SEL1L: variants seen among roughly 807,000 people sequenced by gnomAD.
The protein encoded by SEL1L is SEL1L adaptor subunit of SYVN1 ubiquitin ligase.
SEL1L carries 52 observed loss-of-function variants against 109.8 expected under a neutral mutation model. That is an observed-to-expected ratio of 0.47 (90% CI 0.38 to 0.60). The LOEUF is 0.60. Ranked by LOEUF, SEL1L falls within the 20% of genes least tolerant of loss-of-function variation. The pLI is 0.00. For missense variants in SEL1L, 749 were observed against 962.2 expected (o/e 0.78, Z 2.93); for synonymous variants, 373 against 339.6 (o/e 1.10, Z -1.08).
intron 10 of SEL1L, 45 bp downstream of exon 10, chr14:81,497,847 T>C: frequency 6.4e-7 from 1 of 1,566,662 alleles, no homozygotes; most frequent in Non-Finnish European, 8.7e-7. Flanking sequence ...CAGATTAAAA[T>C]ATACAATGCA....
intron 10 of SEL1L, among the ~76,000 whole-genome samples, chr14:81,496,948 G>A (rs1323431621): frequency 6.6e-6 from 1 of 152,036 alleles, no homozygotes; most frequent in Non-Finnish European, 1.5e-5. Flanking sequence ...TGTTGTGATC[G>A]CTAGATAACC....
At chr14:81,507,168 T>C (rs1193647979) in intron 3 of SEL1L, among the ~76,000 whole-genome samples, 6 of 152,174 alleles carry the variant, frequency 3.9e-5, no homozygotes, top group Non-Finnish European at 8.8e-5. Context: ...ACCTTACATG[T>C]CTTAAGGAGT....
intron 4 of SEL1L, among the ~76,000 whole-genome samples, 180 bp from the exon 5 acceptor site, chr14:81,504,486 A>T (rs1951604): frequency 0.19 from 29,282 of 151,308 alleles, 3,012 homozygotes; most frequent in Admixed American, 0.28. Context: ...ACTTAAAAAA[A>T]ATATATATAT....
At chr14:81,517,655 G>T (rs2140046144) in intron 3 of SEL1L, among the ~76,000 whole-genome samples, 1 of 152,170 alleles carries the variant, frequency 6.6e-6, no homozygotes, top group East Asian at 1.9e-4. Context: ...AGAAAAAGAA[G>T]AATATTTTTA....
chr14:81,505,985 G>T, intron 4 of SEL1L, 89 bp downstream of exon 4: 1 of 1,311,298 alleles, frequency 7.6e-7, no homozygotes, highest in Non-Finnish European at 1.1e-6. Flanking sequence ...TCTGACCAAT[G>T]TGGAAAAAGG....
Position 81,476,974 on chromosome 14 carries a change from A to C in SEL1L, c.2383T>G (p.Ter795GluextTer1). 1 of 1,614,124 alleles carries C rather than the reference A, an allele frequency of 6.2e-7. No individual in the cohort carries two copies. Among genetic ancestry groups the C allele is most frequent in the Non-Finnish European group, 8.5e-7 (1 of 1,180,006 alleles). Residue 795 changes from the stop codon to glutamate (E), a stop_lost, in exon 21 of 21, where the codon TAA (stop) becomes GAA (glutamate). Transcript: ENST00000336735. Reference protein sequence around the residue: ...EGPPEQQPPQ* With the variant: ...EGPPEQQPPQE ...ATCAAGGCTGGACCCAGTGCCTATT[A>C]CTGTGGTGGCTGCTGCTCTGGTGGC...
rs1221184537 is a variant in SEL1L, at chr14:81,487,375, T to C, written c.1632+15A>G. On this transcript the variant is annotated intron_variant, in intron 16 of 20. Transcript: ENST00000336735. ...AATCAACTCCCTACACACAAGCTGG[T>C]AGGAAAGACCTTACCTCCACTGCAG... The C allele has an allele frequency of 2.9e-5, 45 of 1,556,820 alleles. No individual in the cohort carries two copies. In the Admixed American group the frequency reaches 9.8e-4, roughly 34 times the overall value.
chr14:81,475,621 G>GT lies in SEL1L; in HGVS notation c.*1350_*1351insA, dbSNP rs1903133564. On this transcript the variant is annotated 3_prime_UTR_variant, in exon 21 of 21. Transcript: ENST00000336735. The stretch of plus-strand genomic sequence containing the variant: ...AGTCTCAGACAAGATACAGGCTGGT[G>GT]AACACCACCATCTGACAATAAAATG... 6.6e-6 allele frequency: 1 copy of GT among 152,164 alleles called. No homozygotes were observed. The highest frequency in any genetic ancestry group is 1.5e-5 in the Non-Finnish European group (1 of 68,032). 9.4% of individuals were successfully genotyped at this position (152,164 alleles called of 1,614,324 possible).
chr14:81,492,826 C>G (rs1283979173), intron 11 of SEL1L, among the ~76,000 whole-genome samples: 1 of 152,184 alleles, frequency 6.6e-6, no homozygotes, highest in African/African-American at 2.4e-5. Context: ...AACAAGCCTC[C>G]TGTTACTTAC....
At chr14:81,486,477 A>G (rs748035732) in intron 16 of SEL1L, 23 bp from the exon 17 acceptor site, 5 of 1,608,888 alleles carry the variant, frequency 3.1e-6, no homozygotes, top group Admixed American at 1.7e-5. Context: ...GGGAAAAAAA[A>G]TATCAGTAGA....
At chr14:81,514,398 G>A (rs1391821902) in intron 3 of SEL1L, among the ~76,000 whole-genome samples, 2 of 152,156 alleles carry the variant, frequency 1.3e-5, no homozygotes, top group African/African-American at 2.4e-5. Flanking sequence ...ATCTTTATAG[G>A]ACATGGGTAA....
rs1470147161 is a variant in SEL1L at position 81,472,854 on chromosome 14, ATCAT to A, written c.*4114_*4117del. On this transcript the variant is annotated 3_prime_UTR_variant, in exon 21 of 21. Coordinates refer to ENST00000336735, the MANE Select transcript of SEL1L (RefSeq NM_005065.6). ...TTTCCAAAAAACATTAAAAAATTGAATCATTCAGCTTAAAAAAAGTCTGTCTGGA... is the reference window on the plus strand; with the variant it reads ...TTTCCAAAAAACATTAAAAAATTGAATCAGCTTAAAAAAAGTCTGTCTGGA... 1 of 237,534 alleles carries A rather than the reference ATCAT, an allele frequency of 4.2e-6. No individual in the cohort carries two copies. Among genetic ancestry groups the A allele is most frequent in the African/African-American group, 2.3e-5 (1 of 42,796 alleles). 14.7% of individuals were successfully genotyped at this position (237,534 alleles called of 1,614,324 possible).
chr14:81,503,161 T>G (rs1250874193), intron 5 of SEL1L, among the ~76,000 whole-genome samples: 5 of 151,936 alleles, frequency 3.3e-5, no homozygotes, highest in Non-Finnish European at 7.4e-5. Context: ...CCTGGCTAAT[T>G]TTGTATTTTT....
chr14:81,479,600 CG>C lies in SEL1L; in HGVS notation c.2175+11del. ...ATTTATATTTTAATGAAAAGAGGTA[CG>C]GACCACTTACGTTTGTTTCCCGTAT... On this transcript the variant is annotated intron_variant, in intron 20 of 20. Transcript: ENST00000336735. 1 of 1,599,598 alleles carries C rather than the reference CG, an allele frequency of 6.3e-7. No individual in the cohort carries two copies. Among genetic ancestry groups the C allele is most frequent in the East Asian group, 2.2e-5 (1 of 44,724 alleles).
At chr14:81,491,574 T>C (rs547382197) in intron 12 of SEL1L, among the ~76,000 whole-genome samples, 5 of 152,290 alleles carry the variant, frequency 3.3e-5, no homozygotes, top group African/African-American at 1.2e-4. Flanking sequence ...ATGAGGCAAA[T>C]CATGATGAAA....
chr14:81,518,036 C>T (rs1270371498), intron 3 of SEL1L, among the ~76,000 whole-genome samples: 1 of 152,068 alleles, frequency 6.6e-6, no homozygotes, highest in Non-Finnish European at 1.5e-5. Context: ...TCAAGCGATT[C>T]TCATGCCACC....
At position 81,472,826 on chromosome 14, in the gene SEL1L, G is replaced by A. The variant is rs935045500; in HGVS notation, c.*4146C>T. On this transcript the variant is annotated 3_prime_UTR_variant, in exon 21 of 21. Transcript: ENST00000336735. Reference sequence around the variant, plus strand: ...CAAGTGAATGTTTTCAGAAGCTTCTGAATTTCCAAAAAACATTAAAAAATT... The same window carrying A: ...CAAGTGAATGTTTTCAGAAGCTTCTAAATTTCCAAAAAACATTAAAAAATT... 3 of 214,028 alleles carry A rather than the reference G, an allele frequency of 1.4e-5. No individual in the cohort carries two copies. The South Asian group carries it at 1.8e-4, about 13-fold the overall frequency. 13.3% of individuals were successfully genotyped at this position (214,028 alleles called of 1,614,324 possible). A position where few individuals can be genotyped will look rare whatever the true frequency, so the allele number is the denominator to read the frequency against.
At chr14:81,485,832 T>G in intron 17 of SEL1L, 86 bp from the exon 18 acceptor site, 1 of 1,053,550 alleles carries the variant, frequency 9.5e-7, no homozygotes, top group Non-Finnish European at 1.5e-6. Flanking sequence ...GAAGGATAGG[T>G]GAAGCATAAG....
rs768684228 is a variant in SEL1L at position 81,492,543 on chromosome 14, T to C, written c.1191A>G (p.Ala397=). The part of the protein sequence containing the change: ...GRGVEQNHQR[A]FDYFNLAANA... Reference sequence around the variant, plus strand: ...TTGCTGCTAAATTGAAGTAGTCAAATGCTCTCTATGAGAAAAGAATTTATT... The same window carrying C: ...TTGCTGCTAAATTGAAGTAGTCAAACGCTCTCTATGAGAAAAGAATTTATT... The change falls in exon 12 of 21, where the codon GCA becomes GCG. Residue 397 remains alanine (A), a synonymous_variant. Transcript: ENST00000336735. The C allele has an allele frequency of 1.1e-5, 18 of 1,605,108 alleles. No homozygotes were observed. In the African/African-American group the frequency reaches 1.6e-4, roughly 14 times the overall value.
Sources: allele counts gnomAD v4.1 joint callset (sites outside exome capture counted in the v4.1 genomes callset), GRCh38; gene constraint gnomAD v4.1.1; transcripts MANE v1.5; gene names NCBI Gene and HGNC (gene_info 2026-07-23, HGNC 2026-07-21).